KIF13B: variants seen among roughly 807,000 people sequenced by gnomAD.
KIF13B encodes the protein kinesin-like protein KIF13B.
KIF13B carries 127 observed loss-of-function variants against 222.0 expected under a neutral mutation model. That is an observed-to-expected ratio of 0.57 (90% CI 0.50 to 0.66). The LOEUF (loss-of-function observed/expected upper bound fraction) is 0.66, where lower values mean the gene tolerates loss of function less well. KIF13B is among the 30% of genes least tolerant of loss of function. The pLI is 0.00. For synonymous variants in KIF13B, 976 were observed against 919.0 expected, an observed-to-expected ratio of 1.06 and a Z score of -1.12; for missense variants, 2,173 against 2,379.0, an observed-to-expected ratio of 0.91 and a Z score of 1.80.
rs140006895 is a variant in KIF13B, at chr8:29,248,842, T to C, written c.56-3403A>G. Among the ~76,000 whole-genome samples, 1,264 of 152,322 alleles carry C rather than the reference T, an allele frequency of 8.3e-3. 6 individuals are homozygous for C. The highest frequency in any genetic ancestry group is 0.013 in the Non-Finnish European group (909 of 68,026). ...GAAATATCCAGAATAGGGAAATTTG[T>C]AGAGACAAAATAAATTAGTGTTGTC... On this transcript the variant is annotated intron_variant, in intron 1 of 39. Transcript: ENST00000524189.
intron 2 of KIF13B, among the ~76,000 whole-genome samples, chr8:29,201,596 A>G (rs1357630463): frequency 6.6e-6 from 1 of 152,232 alleles, no homozygotes; most frequent in Non-Finnish European, 1.5e-5. Flanking sequence ...GTCAACTACC[A>G]AAATCAAATA....
At chr8:29,243,348 CAAA>C (rs777503766) in intron 2 of KIF13B, among the ~76,000 whole-genome samples, 3 of 110,724 alleles carry the variant, frequency 2.7e-5, no homozygotes, top group Non-Finnish European at 3.8e-5. Context: ...GACCCAGTCT[CAAA>C]AAAAAAAAAA....
chr8:29,182,030 G>C, intron 6 of KIF13B, 24 bp from the exon 7 acceptor site: 2 of 1,589,648 alleles, frequency 1.3e-6, no homozygotes, highest in Non-Finnish European at 1.7e-6. Flanking sequence ...ACAAAGAAAT[G>C]ATTTTTTAAC....
chr8:29,148,571 G>T lies in KIF13B; in HGVS notation c.1813+6C>A, dbSNP rs1811163757. The T allele has an allele frequency of 3.2e-6, 5 of 1,585,036 alleles. No homozygotes were observed. Among genetic ancestry groups the T allele is most frequent in the Non-Finnish European group, 4.3e-6 (5 of 1,163,618 alleles). On this transcript the variant is annotated splice_donor_region_variant and intron_variant, in intron 16 of 39. Transcript: ENST00000524189. ...TGATTCTCAAGTGCACGCCCGACTT[G>T]CTCACCATTGCTGCCCAGGGCCTTC... is the stretch of plus-strand genomic sequence containing the variant.
chr8:29,102,628 G>C (rs1290955373), intron 35 of KIF13B, among the ~76,000 whole-genome samples: 1 of 152,352 alleles, frequency 6.6e-6, no homozygotes, highest in Admixed American at 6.5e-5. Flanking sequence ...TTCTGGGAAT[G>C]AGTCTGGTTT....
chr8:29,187,560 A>C (rs966121916), intron 5 of KIF13B, among the ~76,000 whole-genome samples: 1 of 151,582 alleles, frequency 6.6e-6, no homozygotes, highest in Admixed American at 6.6e-5. Flanking sequence ...GTTGTAAAAG[A>C]AATATATATT....
In KIF13B at chr8:29,070,777, A is replaced by C. The variant is rs1252286071; in HGVS notation, c.5219-11T>G. On this transcript the variant is annotated splice_polypyrimidine_tract_variant and intron_variant, in intron 39 of 39. Transcript: ENST00000524189. This position sits in a 1 kb window ranked among gnomAD's most constrained non-coding sequence, Gnocchi z 4.1. ...AACCGTCATTCTTACCTGCGGGGGA[A>C]GGAGAGGGTGATATGGAGGGCAGCC... 6.3e-7 allele frequency: 1 copy of C among 1,584,874 alleles called. No homozygotes were observed. Among genetic ancestry groups the C allele is most frequent in the Admixed American group, 1.8e-5 (1 of 56,110 alleles).
intron 36 of KIF13B, among the ~76,000 whole-genome samples, chr8:29,093,340 T>C (rs943102727): frequency 1.3e-5 from 2 of 152,194 alleles, no homozygotes; most frequent in Non-Finnish European, 2.9e-5. Flanking sequence ...GAAACTGACC[T>C]TTTGGGAAAA....
chr8:29,101,143 TTTG>T (rs755618745), intron 35 of KIF13B, among the ~76,000 whole-genome samples: 2 of 152,094 alleles, frequency 1.3e-5, no homozygotes, highest in Non-Finnish European at 2.9e-5. Context: ...ACTTGAATGT[TTTG>T]TTAATTTTTG....
At chr8:29,076,033 C>G (rs1254613047) in intron 37 of KIF13B, among the ~76,000 whole-genome samples, 1 of 152,166 alleles carries the variant, frequency 6.6e-6, no homozygotes, top group East Asian at 1.9e-4. Flanking sequence ...CAGGAAAGGG[C>G]CTGGTTACTT....
At chr8:29,119,069 T>G (rs991738517) in intron 29 of KIF13B, 77 bp from the exon 30 acceptor site, 1 of 1,421,364 alleles carries the variant, frequency 7.0e-7, no homozygotes, top group Non-Finnish European at 9.6e-7. Flanking sequence ...TCAATGTGAT[T>G]ATTACAATTC....
At chr8:29,085,792 G>C (rs755702251) in intron 37 of KIF13B, among the ~76,000 whole-genome samples, 1 of 116,170 alleles carries the variant, frequency 8.6e-6, no homozygotes, top group Non-Finnish European at 1.6e-5. Context: ...TGAGGCCACA[G>C]TGTGCTGTGA....
At position 29,073,782 on chromosome 8, in the gene KIF13B, G is replaced by T. The variant is rs963424696; in HGVS notation, c.4522-1466C>A. 5.8e-4 allele frequency among the ~76,000 whole-genome samples: 88 copies of T among 151,982 alleles called. 1 individual carries two copies. Among genetic ancestry groups the T allele is most frequent in the African/African-American group, 2.1e-3 (85 of 41,344 alleles). On this transcript the variant is annotated intron_variant, in intron 38 of 39. Transcript: ENST00000524189. Reference sequence around the variant, plus strand: ...CTGTCCTTTATATTCCCGTTTCCAGGGGCCCTCTTTTCCCCACCAACCACA... The same window carrying T: ...CTGTCCTTTATATTCCCGTTTCCAGTGGCCCTCTTTTCCCCACCAACCACA...
rs1807093089 is a variant in KIF13B, at chr8:29,068,309, A to G, written c.*2195T>C. On this transcript the variant is annotated 3_prime_UTR_variant, in exon 40 of 40. Transcript: ENST00000524189. This position sits in a 1 kb window ranked among gnomAD's most constrained non-coding sequence, Gnocchi z 4.4. ...GGAGGCCAGCCCGCCCTGGCCCACC[A>G]CTCTGGAGACCGCACCTCCTGCCTG... The G allele has an allele frequency of 6.6e-6, 1 of 152,058 alleles. No homozygotes were observed. Among genetic ancestry groups the G allele is most frequent in the African/African-American group, 2.4e-5 (1 of 41,368 alleles). The allele number at this position is 152,058 out of a possible 1,614,324, so 9.4% of individuals were successfully genotyped here.
chr8:29,123,544 CTT>C, intron 27 of KIF13B, 52 bp from the exon 28 acceptor site: 1 of 1,607,082 alleles, frequency 6.2e-7, no homozygotes. Flanking sequence ...TGCCATTTAT[CTT>C]TTTGTCCTGA....
intron 14 of KIF13B, among the ~76,000 whole-genome samples, chr8:29,151,847 G>GATTGCGCCAC (rs1362221180): frequency 1.5e-5 from 2 of 129,920 alleles, no homozygotes; most frequent in Admixed American, 7.5e-5. Context: ...TCACTTTCAA[G>GATTGCGCCAC]TCTTATCATT....
intron 18 of KIF13B, among the ~76,000 whole-genome samples, chr8:29,145,483 T>C (rs12548608): frequency 0.35 from 53,753 of 151,720 alleles, 10,273 homozygotes; most frequent in Non-Finnish European, 0.44. Flanking sequence ...ATACAAAAAT[T>C]AGTCCAGCGT....
At chr8:29,095,537 C>T (rs183964777) in intron 36 of KIF13B, among the ~76,000 whole-genome samples, 14 of 152,256 alleles carry the variant, frequency 9.2e-5, no homozygotes, top group East Asian at 3.9e-4. Context: ...GAGGCCGAGG[C>T]GGGTGGATCA....
intron 37 of KIF13B, among the ~76,000 whole-genome samples, chr8:29,084,215 C>A (rs950131897): frequency 6.6e-6 from 1 of 152,160 alleles, no homozygotes; most frequent in Non-Finnish European, 1.5e-5. Context: ...CGCACCCGAC[C>A]GTGTTTTCTT....
Sources: allele counts gnomAD v4.1 joint callset (sites outside exome capture counted in the v4.1 genomes callset), GRCh38; gene constraint gnomAD v4.1.1; non-coding constraint Gnocchi (gnomAD v3.1); transcripts MANE v1.5; gene names NCBI Gene and HGNC (gene_info 2026-07-23, HGNC 2026-07-21).